The following TNFSF13B variants were observed in gnomAD, a reference collection of about 807,000 sequenced individuals.
The protein encoded by TNFSF13B is tumor necrosis factor ligand superfamily member 13B.
A neutral mutation model predicts 29.1 loss-of-function variants in TNFSF13B; 8 were observed. The ratio of observed to expected loss-of-function variants is 0.27; its 90% confidence interval spans 0.16 to 0.50. The LOEUF is 0.50. Among genes scored for constraint, TNFSF13B ranks in the 20% least tolerant of loss-of-function variants. The pLI, the probability that TNFSF13B is intolerant of heterozygous loss-of-function variation, is 0.98. For missense variants in TNFSF13B, 248 were observed against 334.9 expected, an observed-to-expected ratio of 0.74 and a Z score of 2.03; for synonymous variants, 125 against 130.8, an observed-to-expected ratio of 0.96 and a Z score of 0.30.
chr13:108,287,357 A>G (rs12428930), intron 3 of TNFSF13B, among the ~76,000 whole-genome samples: 1 of 152,086 alleles, frequency 6.6e-6, no homozygotes, highest in Non-Finnish European at 1.5e-5. Context: ...TAAAGACTGT[A>G]TTTGAATTGC....
intron 3 of TNFSF13B, among the ~76,000 whole-genome samples, chr13:108,292,470 C>T (rs910041519): frequency 2.6e-5 from 4 of 152,006 alleles, no homozygotes; most frequent in South Asian, 2.1e-4. Flanking sequence ...GAGTATACAT[C>T]GATGAATCGA....
chr13:108,293,897 C>T (rs1355619066), intron 3 of TNFSF13B, among the ~76,000 whole-genome samples: 1 of 152,132 alleles, frequency 6.6e-6, no homozygotes, highest in Non-Finnish European at 1.5e-5. Flanking sequence ...AGGACATTAA[C>T]CCATCCTGAA....
intron 5 of TNFSF13B, among the ~76,000 whole-genome samples, chr13:108,304,947 G>A (rs977633557): frequency 6.6e-6 from 1 of 152,082 alleles, no homozygotes. Context: ...TAAATGGTGA[G>A]ACTACTCCAA....
intron 3 of TNFSF13B, chr13:108,302,897 T>G (rs1881665565): frequency 1.0e-6 from 1 of 986,060 alleles, no homozygotes. Context: ...TCTACTAGTG[T>G]GTTATTCAGA....
chr13:108,284,359 TAAATAAACAAACAAACAAACA>T (rs1419066508), intron 2 of TNFSF13B, among the ~76,000 whole-genome samples: 2 of 94,140 alleles, frequency 2.1e-5, no homozygotes, highest in East Asian at 1.0e-3. Context: ...AATAAATGAA[TAAATAAACAAACAAACAAACA>T]AACAAACAAT....
chr13:108,304,656 G>A (rs1004067571), intron 5 of TNFSF13B, among the ~76,000 whole-genome samples: 11 of 152,138 alleles, frequency 7.2e-5, no homozygotes, highest in African/African-American at 2.7e-4. Context: ...AGTTCCAGAT[G>A]GTTACCGTGA....
At chr13:108,292,199 A>G (rs1204361754) in intron 3 of TNFSF13B, among the ~76,000 whole-genome samples, 1 of 151,920 alleles carries the variant, frequency 6.6e-6, no homozygotes, top group Non-Finnish European at 1.5e-5. Context: ...CCTATTTTAG[A>G]TGGTTTATAT....
At chr13:108,279,224 A>T (rs1357294779) in intron 2 of TNFSF13B, among the ~76,000 whole-genome samples, 2 of 152,312 alleles carry the variant, frequency 1.3e-5, no homozygotes, top group East Asian at 3.9e-4. Flanking sequence ...TCTGCTGTAA[A>T]TCAGACACTG....
At chr13:108,303,010 A>G (rs1881668724) in intron 3 of TNFSF13B, 2 of 479,896 alleles carry the variant, frequency 4.2e-6, no homozygotes, top group Admixed American at 4.3e-5. Flanking sequence ...AGACATTCAT[A>G]TAAAGGGTTA....
At chr13:108,281,632 C>A (rs1188620136) in intron 2 of TNFSF13B, among the ~76,000 whole-genome samples, 1 of 152,164 alleles carries the variant, frequency 6.6e-6, no homozygotes, top group African/African-American at 2.4e-5. Flanking sequence ...GTCTGTCAGG[C>A]AGACCCCTCC....
At position 108,286,871 on chromosome 13, in the gene TNFSF13B, T is replaced by G. The variant is rs753735693; in HGVS notation, c.481+12T>G. On this transcript the variant is annotated intron_variant, in intron 3 of 5. Transcript: ENST00000375887. ...AACTATACAAAAAGGTAATAAAATATAGCAAAGACTTGGAACCAAGCCAAA... is the reference window on the plus strand; with the variant it reads ...AACTATACAAAAAGGTAATAAAATAGAGCAAAGACTTGGAACCAAGCCAAA... 1.3e-6 allele frequency: 2 copies of G among 1,545,070 alleles called. No individual in the cohort carries two copies. Among genetic ancestry groups the G allele is most frequent in the Admixed American group, 1.9e-5 (1 of 53,534 alleles).
chr13:108,271,995 C>G (rs781452788), intron 2 of TNFSF13B, among the ~76,000 whole-genome samples: 1 of 151,986 alleles, frequency 6.6e-6, no homozygotes, highest in South Asian at 2.1e-4. Flanking sequence ...CCCTTGCTTC[C>G]GACTGCCATA....
rs535570518 is a variant in TNFSF13B at position 108,305,644 on chromosome 13, A to G, written c.746-1182A>G. ...TAAGGTAGTCCTCAAAGGCTTTGTC[A>G]ATTCTAGAAAGTGTACACATAACCT... On this transcript the variant is annotated intron_variant, in intron 5 of 5. Coordinates refer to ENST00000375887, the MANE Select transcript of TNFSF13B (RefSeq NM_006573.5). Among the ~76,000 whole-genome samples, 273 of 152,296 alleles carry G rather than the reference A, an allele frequency of 1.8e-3. 2 individuals are homozygous for G. The highest frequency in any genetic ancestry group is 6.0e-3 in the African/African-American group (248 of 41,566).
In TNFSF13B at chr13:108,305,129, A is replaced by G. The variant is rs541835552; in HGVS notation, c.745+1525A>G. Among the ~76,000 whole-genome samples the G allele has an allele frequency of 7.6e-4, 115 of 152,196 alleles. 1 individual carries two copies. The highest frequency in any genetic ancestry group is 2.6e-3 in the African/African-American group (110 of 41,532). On this transcript the variant is annotated intron_variant, in intron 5 of 5. Coordinates refer to ENST00000375887, the MANE Select transcript of TNFSF13B (RefSeq NM_006573.5). Reference sequence around the variant, plus strand: ...TCACCGGACTTTAAAAATATTTTTCATTACTAGTAGCTTACTGTTGTATAT... The same window carrying G: ...TCACCGGACTTTAAAAATATTTTTCGTTACTAGTAGCTTACTGTTGTATAT...
intron 2 of TNFSF13B, among the ~76,000 whole-genome samples, chr13:108,281,007 G>A (rs57099505): frequency 0.021 from 3,221 of 152,210 alleles, 103 homozygotes; most frequent in African/African-American, 0.074. Flanking sequence ...AGCACTTCAG[G>A]AGGCTGAGGT....
intron 2 of TNFSF13B, among the ~76,000 whole-genome samples, chr13:108,278,126 T>G (rs1880809619): frequency 6.6e-6 from 1 of 152,204 alleles, no homozygotes; most frequent in Admixed American, 6.5e-5. Context: ...ATCTATTGAT[T>G]ATAAATTCTG....
intron 2 of TNFSF13B, among the ~76,000 whole-genome samples, chr13:108,271,467 CACACA>C (rs1880612355): frequency 6.6e-6 from 1 of 151,356 alleles, no homozygotes; most frequent in African/African-American, 2.4e-5. Context: ...CACACACACA[CACACA>C]CACACACACA....
chr13:108,290,036 A>G (rs1211353960), intron 3 of TNFSF13B, among the ~76,000 whole-genome samples: 4 of 152,164 alleles, frequency 2.6e-5, no homozygotes, highest in Admixed American at 6.5e-5. Context: ...TCAGTTTCCT[A>G]CATAGACTTC....
intron 2 of TNFSF13B, among the ~76,000 whole-genome samples, 198 bp downstream of exon 2, chr13:108,270,622 C>G (rs1161447948): frequency 6.6e-6 from 1 of 152,166 alleles, no homozygotes; most frequent in Non-Finnish European, 1.5e-5. Context: ...GCTTTTTCCT[C>G]CAATGAGCAG....
Sources: gnomAD v4.1 joint callset for allele counts (sites outside exome capture counted in the v4.1 genomes callset) on GRCh38, gnomAD v4.1.1 for gene constraint, MANE v1.5 for transcripts, NCBI Gene and HGNC (gene_info 2026-07-23, HGNC 2026-07-21) for gene names.